ARHGAP30: variants seen among roughly 807,000 people sequenced by gnomAD.
ARHGAP30 encodes rho GTPase-activating protein 30.
ARHGAP30 carries 23 observed loss-of-function variants against 72.0 expected under a neutral mutation model. The ratio of observed to expected loss-of-function variants is 0.32; its 90% CI spans 0.23 to 0.45. The LOEUF is 0.45. Ranked by LOEUF, ARHGAP30 falls within the 20% of genes least tolerant of loss-of-function variation. The pLI is 1.00. For missense variants in ARHGAP30, 1,319 were observed against 1,383.4 expected, an observed-to-expected ratio of 0.95 and a Z score of 0.74; for synonymous variants, 576 against 528.2, an observed-to-expected ratio of 1.09 and a Z score of -1.24.
At chr1:161,052,385 A>G (rs1200154447) in intron 8 of ARHGAP30, 22 bp from the exon 9 acceptor site, 2 of 1,614,028 alleles carry the variant, frequency 1.2e-6, no homozygotes, top group Admixed American at 1.7e-5. Flanking sequence ...GGATGTGTGT[A>G]GAGCCAGGGC....
At chr1:161,055,879 AT>A (rs1343767882) in intron 3 of ARHGAP30, among the ~76,000 whole-genome samples, 23 of 39,696 alleles carry the variant, frequency 5.8e-4, no homozygotes, top group Non-Finnish European at 9.9e-4. Context: ...ATAAAATAAA[AT>A]AAAAATAAAT....
intron 2 of ARHGAP30, among the ~76,000 whole-genome samples, chr1:161,058,780 G>C (rs1353555569): frequency 6.7e-6 from 1 of 148,552 alleles, no homozygotes; most frequent in East Asian, 2.0e-4. Context: ...AGAATCACTT[G>C]AACCCAGGAG....
At position 161,048,734 on chromosome 1, in the gene ARHGAP30, C is replaced by A; in HGVS notation, c.2287G>T (p.Val763Leu). The A allele has an allele frequency of 6.2e-7, 1 of 1,614,098 alleles. No individual in the cohort carries two copies. The highest frequency in any genetic ancestry group is 8.5e-7 in the Non-Finnish European group (1 of 1,180,012). ...EEDEQREEAQ[V>L]EAGRDLEQGA... ...TGCTCTAGGTCCCTTCCAGCTTCTA[C>A]CTGGGCTTCCTCTCTTTGTTCATCC... is the stretch of plus-strand genomic sequence containing the variant. Residue 763 changes from valine (V) to leucine (L), a missense_variant, in exon 12 of 12, where the codon GTA becomes TTA. Physicochemically the swap from Val to Leu is conservative, Grantham distance 32. This residue lies in a region of ARHGAP30 where 1,097 missense variants were observed against 1,045.2 expected (regional missense o/e 1.05). Transcript: ENST00000368013.
chr1:161,056,293 C>G, intron 3 of ARHGAP30, 95 bp downstream of exon 3: 1 of 1,484,706 alleles, frequency 6.7e-7, no homozygotes, highest in Non-Finnish European at 9.0e-7. Flanking sequence ...TTCAGGATCG[C>G]TAGGACTCTG....
intron 3 of ARHGAP30, among the ~76,000 whole-genome samples, chr1:161,055,887 AAAT>A (rs1571094771): frequency 2.1e-3 from 49 of 23,540 alleles, no homozygotes; most frequent in South Asian, 9.5e-3. Flanking sequence ...AAATAAAAAT[AAAT>A]AAAATAAAAT....
At chr1:161,052,052 C>A (rs957500970) in intron 9 of ARHGAP30, among the ~76,000 whole-genome samples, 10 of 25,248 alleles carry the variant, frequency 4.0e-4, no homozygotes, top group Non-Finnish European at 7.9e-4. Flanking sequence ...CCACCACCAC[C>A]ACCACCACAT....
chr1:161,055,338 T>A (rs1038012847), intron 3 of ARHGAP30, among the ~76,000 whole-genome samples: 6 of 151,948 alleles, frequency 3.9e-5, no homozygotes, highest in Non-Finnish European at 5.9e-5. Context: ...CTAAAAATTT[T>A]AAAAATCAGC....
At chr1:161,062,073 G>C (rs892922288) in intron 1 of ARHGAP30, among the ~76,000 whole-genome samples, 1 of 151,996 alleles carries the variant, frequency 6.6e-6, no homozygotes, top group Non-Finnish European at 1.5e-5. Flanking sequence ...TAATGACAGA[G>C]CAAGACTCGG....
intron 2 of ARHGAP30, among the ~76,000 whole-genome samples, chr1:161,057,770 G>T (rs1267208198): frequency 6.6e-6 from 1 of 152,022 alleles, no homozygotes; most frequent in African/African-American, 2.4e-5. Context: ...ATCCCAACAC[G>T]TTGGGAGGCT....
At chr1:161,058,929 A>G (rs1282443167) in intron 2 of ARHGAP30, among the ~76,000 whole-genome samples, 2 of 151,868 alleles carry the variant, frequency 1.3e-5, no homozygotes, top group African/African-American at 4.8e-5. Flanking sequence ...ATCACTATCT[A>G]AAGTAAATAT....
intron 3 of ARHGAP30, among the ~76,000 whole-genome samples, chr1:161,055,570 A>G (rs568015809): frequency 3.9e-5 from 6 of 151,902 alleles, no homozygotes; most frequent in African/African-American, 4.8e-5. Flanking sequence ...TGGGTGAATC[A>G]CTTGAGGTCA....
chr1:161,068,057 C>T (rs1196452992), intron 1 of ARHGAP30, among the ~76,000 whole-genome samples: 4 of 151,884 alleles, frequency 2.6e-5, no homozygotes, highest in Non-Finnish European at 5.9e-5. Flanking sequence ...AGGAAGAGGC[C>T]GGGAGGGTTA....
In ARHGAP30 at chr1:161,048,635, C is replaced by T. The variant is rs369809062; in HGVS notation, c.2386G>A (p.Glu796Lys). Reference sequence around the variant, plus strand: ...TCCCTCTGTCCTTTGTCCTCATCCTCTCTGACTCCCTCAGCCTCTTGTTTC... The same window carrying T: ...TCCCTCTGTCCTTTGTCCTCATCCTTTCTGACTCCCTCAGCCTCTTGTTTC... ...VQKQEAEGVR[E>K]DEDKGQREKG... Residue 796 changes from glutamate (E) to lysine (K), a missense_variant, in exon 12 of 12, where the codon GAG becomes AAG. Transcript: ENST00000368013. The T allele has an allele frequency of 8.4e-5, 135 of 1,613,998 alleles. No homozygotes were observed. The highest frequency in any genetic ancestry group is 1.1e-4 in the Non-Finnish European group (124 of 1,180,038).
intron 1 of ARHGAP30, among the ~76,000 whole-genome samples, chr1:161,064,318 C>T (rs1257411345): frequency 6.6e-6 from 1 of 152,174 alleles, no homozygotes; most frequent in Admixed American, 6.6e-5. Flanking sequence ...CGGGGCAGTT[C>T]CCCCGGTATG....
intron 1 of ARHGAP30, among the ~76,000 whole-genome samples, chr1:161,061,886 G>A (rs779843850): frequency 6.6e-6 from 1 of 152,114 alleles, no homozygotes; most frequent in South Asian, 2.1e-4. Flanking sequence ...TCAGGAGTTC[G>A]AGACCAGCCT....
At position 161,049,636 on chromosome 1, in the gene ARHGAP30, C is replaced by G; in HGVS notation, c.1474G>C (p.Asp492His). The G allele has an allele frequency of 6.2e-7, 1 of 1,614,056 alleles. No homozygotes were observed. Among genetic ancestry groups the G allele is most frequent in the Non-Finnish European group, 8.5e-7 (1 of 1,179,970 alleles). The part of the protein sequence containing the change: ...ASSPLADSGP[D>H]DLAPALEDSL... ...TCCTCCAGGGCAGGAGCCAAGTCGT[C>G]TGGGCCTGAGTCTGCCAGGGGACTT... The change falls in exon 11 of 12, where the codon GAC (aspartate) becomes CAC (histidine). Residue 492 changes from aspartate (D) to histidine (H), a missense_variant. By Grantham distance (81) the Asp-to-His change is moderately conservative. Transcript: ENST00000368013.
In ARHGAP30 at chr1:161,055,915, TAAA is replaced by T. The variant is rs1376483102; in HGVS notation, c.345+470_345+472del. Among the ~76,000 whole-genome samples, 16 of 47,480 alleles carry T rather than the reference TAAA, an allele frequency of 3.4e-4. 1 individual carries two copies. The highest frequency in any genetic ancestry group is 7.0e-4 in the African/African-American group (14 of 19,902). The allele number at this position is 47,480 out of a possible 152,430, so 31.1% of individuals were successfully genotyped here. ...TAAAATAAAATAAAATAAAATAAAA[TAAA>T]ATAAAATAAAATAAAATAAATATAA... On this transcript the variant is annotated intron_variant, in intron 3 of 11. Transcript: ENST00000368013.
rs1164321296 is a variant in ARHGAP30 at position 161,055,804 on chromosome 1, TAATAA to T, written c.345+579_345+583del. Among the ~76,000 whole-genome samples the T allele has an allele frequency of 5.5e-3, 249 of 45,124 alleles. 3 individuals are homozygous for T. The highest frequency in any genetic ancestry group is 0.011 in the South Asian group (17 of 1,512). The allele number at this position is 45,124 out of a possible 152,430, so 29.6% of individuals were successfully genotyped here. A position where few individuals can be genotyped will look rare whatever the true frequency, so the allele number is the denominator to read the frequency against. ...ATCTTAAAATTAAAATAAAATAAAA[TAATAA>T]AATAAAATAAAATAAAATAAAATAA... On this transcript the variant is annotated intron_variant, in intron 3 of 11. Transcript: ENST00000368013.
rs1464894218 is a variant in ARHGAP30, at chr1:161,055,952, AAAAT to A, written c.345+432_345+435del. Among the ~76,000 whole-genome samples, 541 of 137,536 alleles carry A rather than the reference AAAAT, an allele frequency of 3.9e-3. 19 individuals are homozygous for A. Among genetic ancestry groups the A allele is most frequent in the East Asian group, 0.011 (52 of 4,622 alleles). 90.2% of individuals were successfully genotyped at this position (137,536 alleles called of 152,430 possible). On this transcript the variant is annotated intron_variant, in intron 3 of 11. Transcript: ENST00000368013. ...AAATAAAATAAATATAAAATAAAATAAAATACCAAAGATGTTCAACGCATAATTA... is the reference window on the plus strand; with the variant it reads ...AAATAAAATAAATATAAAATAAAATAACCAAAGATGTTCAACGCATAATTA...
Sources: gnomAD v4.1 joint callset for allele counts (sites outside exome capture counted in the v4.1 genomes callset) on GRCh38, gnomAD v4.1.1 for gene constraint, gnomAD v4.1.1 regional missense constraint, MANE v1.5 for transcripts, NCBI Gene and HGNC (gene_info 2026-07-23, HGNC 2026-07-21) for gene names.